EPM2A: variants seen among roughly 807,000 people sequenced by gnomAD.
EPM2A encodes laforin.
Under a neutral mutation model 26.5 loss-of-function variants are expected in EPM2A, and 21 were observed. That is an observed-to-expected ratio of 0.79 (90% CI 0.56 to 1.14). The LOEUF is 1.14. Ranked by LOEUF, EPM2A falls within the 50% of genes most tolerant of loss-of-function variation. EPM2A has a pLI of 0.00. For missense variants in EPM2A, 458 were observed against 440.8 expected (o/e 1.04, Z -0.35); for synonymous variants, 217 against 177.6 (o/e 1.22, Z -1.76).
chr6:145,500,536 T>A (rs750561862), downstream of EPM2A, among the ~76,000 whole-genome samples: 1 of 152,180 alleles, frequency 6.6e-6, no homozygotes, highest in Non-Finnish European at 1.5e-5. Context: ...CCCCTCCTGA[T>A]CTATCCCCAT....
intron 4 of EPM2A, among the ~76,000 whole-genome samples, chr6:145,475,340 A>C (rs1779528588): frequency 6.6e-6 from 1 of 152,198 alleles, no homozygotes; most frequent in Non-Finnish European, 1.5e-5. Flanking sequence ...GCTGGAAACC[A>C]TCATACTCAG....
At chr6:145,720,769 T>C (rs1775909792) in intron 1 of EPM2A, 2 of 152,216 alleles carry the variant, frequency 1.3e-5, no homozygotes, top group Admixed American at 1.3e-4. Flanking sequence ...AAATATAATG[T>C]TGAAAAATGT....
chr6:145,588,845 T>C (rs1179645278), intron 2 of EPM2A, among the ~76,000 whole-genome samples: 3 of 152,074 alleles, frequency 2.0e-5, no homozygotes, highest in Non-Finnish European at 4.4e-5. Flanking sequence ...ATCAAGCCCA[T>C]AGGAATGGAG....
intron 1 of EPM2A, among the ~76,000 whole-genome samples, chr6:145,719,687 G>T (rs1412642112): frequency 6.6e-6 from 1 of 152,092 alleles, no homozygotes; most frequent in Non-Finnish European, 1.5e-5. Context: ...GTCCTTACTT[G>T]ACAATAAACA....
chr6:145,728,919 GC>G (rs1463008981), intron 1 of EPM2A, among the ~76,000 whole-genome samples: 1 of 152,124 alleles, frequency 6.6e-6, no homozygotes, highest in Non-Finnish European at 1.5e-5. Flanking sequence ...AGTTTCACAG[GC>G]CCAGGGCCTC....
chr6:145,661,234 A>G (rs554618807), intron 2 of EPM2A, among the ~76,000 whole-genome samples: 3 of 152,240 alleles, frequency 2.0e-5, no homozygotes, highest in African/African-American at 7.2e-5. Context: ...GCAGTTCACC[A>G]GGCCACAAAT....
chr6:145,517,347 C>A (rs1388999163), intron 2 of EPM2A, among the ~76,000 whole-genome samples: 1 of 148,120 alleles, frequency 6.8e-6, no homozygotes, highest in Non-Finnish European at 1.5e-5. Flanking sequence ...GTGTTCTTAC[C>A]AAAATAAAAA....
intron 1 of EPM2A, among the ~76,000 whole-genome samples, chr6:145,723,381 A>C (rs1246661047): frequency 6.6e-6 from 1 of 152,116 alleles, no homozygotes; most frequent in Non-Finnish European, 1.5e-5. Context: ...AAAACAAATA[A>C]TCTAATTTCA....
At chr6:145,576,552 G>C (rs1004480928) in intron 2 of EPM2A, among the ~76,000 whole-genome samples, 3 of 152,172 alleles carry the variant, frequency 2.0e-5, no homozygotes. Context: ...ATCAAGCAAA[G>C]TTTTATTTCA....
chr6:145,581,057 T>C (rs1411494304), intron 2 of EPM2A, among the ~76,000 whole-genome samples: 1 of 152,224 alleles, frequency 6.6e-6, no homozygotes, highest in Non-Finnish European at 1.5e-5. Flanking sequence ...CTGGGTAAAA[T>C]GTTAATTCTA....
chr6:145,582,142 T>C (rs74560212), intron 2 of EPM2A, among the ~76,000 whole-genome samples: 3,159 of 152,246 alleles, frequency 0.021, 112 homozygotes, highest in East Asian at 0.085. Context: ...TGTTGTATCC[T>C]TGTTTTCATT....
chr6:145,431,538 AGTATGC>A (rs1313429409), intron 4 of EPM2A, among the ~76,000 whole-genome samples: 10 of 152,238 alleles, frequency 6.6e-5, no homozygotes, highest in African/African-American at 2.4e-4. Context: ...TGGTCTATTA[AGTATGC>A]AATAGCATTA....
chr6:145,607,165 C>T (rs188901323), intron 2 of EPM2A, among the ~76,000 whole-genome samples: 223 of 152,252 alleles, frequency 1.5e-3, no homozygotes, highest in African/African-American at 4.8e-3. Flanking sequence ...TCACTGCTTA[C>T]TCAAATAACC....
chr6:145,538,720 T>C (rs1033685428), intron 2 of EPM2A, among the ~76,000 whole-genome samples: 1 of 152,266 alleles, frequency 6.6e-6, no homozygotes, highest in African/African-American at 2.4e-5. Context: ...ATTGTTTTTA[T>C]GCTAAGATTT....
intron 4 of EPM2A, among the ~76,000 whole-genome samples, chr6:145,422,211 G>A (rs1453999763): frequency 6.9e-6 from 1 of 144,512 alleles, no homozygotes; most frequent in Non-Finnish European, 1.5e-5. Flanking sequence ...GAAGTATATA[G>A]ATCTCATACA....
intron 2 of EPM2A, among the ~76,000 whole-genome samples, chr6:145,665,318 A>G (rs1451042388): frequency 5.1e-5 from 3 of 58,272 alleles, no homozygotes; most frequent in African/African-American, 2.5e-4. Flanking sequence ...ACAATAAAAA[A>G]TGATAAAGGG....
At chr6:145,526,768 G>T (rs1487201214) in intron 2 of EPM2A, among the ~76,000 whole-genome samples, 1 of 151,736 alleles carries the variant, frequency 6.6e-6, no homozygotes, top group African/African-American at 2.4e-5. Flanking sequence ...TGCATTTTTG[G>T]TTCTCAATTT....
chr6:145,507,917 C>T (rs1780000481), intron 2 of EPM2A, among the ~76,000 whole-genome samples: 1 of 152,134 alleles, frequency 6.6e-6, no homozygotes, highest in Admixed American at 6.5e-5. Context: ...CCCCAGCCTG[C>T]TCCCTTGGTC....
chr6:145,595,768 C>T (rs1233318219), intron 2 of EPM2A, among the ~76,000 whole-genome samples: 1 of 152,024 alleles, frequency 6.6e-6, no homozygotes, highest in Admixed American at 6.6e-5. Flanking sequence ...GATATTATAG[C>T]AAATAATAAT....
Sources: allele counts gnomAD v4.1 joint callset (sites outside exome capture counted in the v4.1 genomes callset), GRCh38; gene constraint gnomAD v4.1.1; transcripts MANE v1.5; gene names NCBI Gene and HGNC (gene_info 2026-07-23, HGNC 2026-07-21).